The following AUTS2 variants were observed in gnomAD, a reference collection of about 807,000 sequenced individuals.
AUTS2 encodes the protein activator of transcription and developmental regulator AUTS2, also known as autism susceptibility gene 2 protein.
Under a neutral mutation model 112.4 loss-of-function variants are expected in AUTS2, and 17 were observed. The observed-to-expected ratio is 0.15, with a 90% CI of 0.10 to 0.23. AUTS2 has a LOEUF of 0.23. AUTS2 is among the 10% of genes least tolerant of loss of function. The pLI is 1.00. For synonymous variants in AUTS2, 751 were observed against 702.7 expected, an observed-to-expected ratio of 1.07 and a Z score of -1.09; for missense variants, 1,510 against 1,701.6, an observed-to-expected ratio of 0.89 and a Z score of 1.98.
chr7:69,915,031 A>G (rs1043160142), intron 2 of AUTS2, among the ~76,000 whole-genome samples: 1 of 152,086 alleles, frequency 6.6e-6, no homozygotes, highest in African/African-American at 2.4e-5. Context: ...TTTAATGATA[A>G]CTCTGCCCAT....
At chr7:70,560,502 C>A (rs972740221) in intron 5 of AUTS2, among the ~76,000 whole-genome samples, 1 of 152,188 alleles carries the variant, frequency 6.6e-6, no homozygotes, top group Non-Finnish European at 1.5e-5. Flanking sequence ...AGTTTTAAAA[C>A]AACAGGGTTA....
chr7:69,763,936 A>C (rs1183343209), intron 1 of AUTS2, among the ~76,000 whole-genome samples: 1 of 152,230 alleles, frequency 6.6e-6, no homozygotes, highest in African/African-American at 2.4e-5. Context: ...GTAGGTACCT[A>C]GTGAGCATCT....
chr7:70,640,416 A>G (rs1805753460), intron 5 of AUTS2, among the ~76,000 whole-genome samples: 7 of 59,006 alleles, frequency 1.2e-4, no homozygotes, highest in Admixed American at 8.7e-4. Context: ...ATAAACTCAC[A>G]GGGGGAAAAA....
At chr7:70,162,445 CAAAAAAAAAAAAAAAA>C (rs57688959) in intron 4 of AUTS2, among the ~76,000 whole-genome samples, 50 of 56,702 alleles carry the variant, frequency 8.8e-4, no homozygotes, top group African/African-American at 1.3e-3. Flanking sequence ...GACTCCGTCT[CAAAAAAAAAAAAAAAA>C]AAAAAAAAAA....
chr7:69,889,494 C>G (rs1436087116), intron 1 of AUTS2, among the ~76,000 whole-genome samples: 1 of 152,200 alleles, frequency 6.6e-6, no homozygotes, highest in Non-Finnish European at 1.5e-5. Context: ...TACCTCTTGT[C>G]TTTTTGATAA....
At chr7:70,120,870 G>T (rs1805645818) in intron 3 of AUTS2, among the ~76,000 whole-genome samples, 2 of 152,066 alleles carry the variant, frequency 1.3e-5, no homozygotes, top group Non-Finnish European at 2.9e-5. Flanking sequence ...CATATGAAAT[G>T]GCATAAGGCC....
intron 5 of AUTS2, among the ~76,000 whole-genome samples, chr7:70,688,785 C>T (rs2129546083): frequency 6.6e-6 from 1 of 152,344 alleles, no homozygotes; most frequent in Non-Finnish European, 1.5e-5. Flanking sequence ...GATTGTGCCA[C>T]TGCACTCTAG....
intron 5 of AUTS2, among the ~76,000 whole-genome samples, chr7:70,574,300 T>A (rs1355894867): frequency 6.6e-6 from 1 of 152,196 alleles, no homozygotes; most frequent in Non-Finnish European, 1.5e-5. Context: ...CATTTCACAT[T>A]CAGAAGACAC....
At chr7:69,895,543 TCCC>T (rs3043573) in intron 1 of AUTS2, among the ~76,000 whole-genome samples, 6 of 131,870 alleles carry the variant, frequency 4.5e-5, no homozygotes. Context: ...TCTCTCTTCT[TCCC>T]CCCCCCCGAG....
chr7:70,429,022 A>G (rs1795542853), intron 4 of AUTS2, among the ~76,000 whole-genome samples: 1 of 152,226 alleles, frequency 6.6e-6, no homozygotes, highest in South Asian at 2.1e-4. Flanking sequence ...AATGGAAGAT[A>G]TTTTCTTCTG....
intron 5 of AUTS2, among the ~76,000 whole-genome samples, chr7:70,535,002 A>G (rs1476350930): frequency 6.6e-6 from 1 of 151,432 alleles, no homozygotes; most frequent in Non-Finnish European, 1.5e-5. Flanking sequence ...TTTTTAAAGT[A>G]TGAATACCAT....
chr7:69,975,130 T>G (rs760503016), intron 2 of AUTS2, among the ~76,000 whole-genome samples: 12 of 152,070 alleles, frequency 7.9e-5, no homozygotes, highest in Non-Finnish European at 1.6e-4. Context: ...GGTTGACAGT[T>G]TCTTTTGTCT....
intron 2 of AUTS2, among the ~76,000 whole-genome samples, chr7:70,029,018 T>G (rs1247363654): frequency 1.3e-5 from 2 of 152,146 alleles, no homozygotes; most frequent in Non-Finnish European, 1.5e-5. Context: ...AAAGTGCCCT[T>G]TAGCTGTGTA....
At chr7:69,727,324 G>A (rs1247456743) in intron 1 of AUTS2, among the ~76,000 whole-genome samples, 1 of 152,148 alleles carries the variant, frequency 6.6e-6, no homozygotes, top group Non-Finnish European at 1.5e-5. Context: ...AGGTGCAGTA[G>A]CTCACACCTG....
intron 1 of AUTS2, among the ~76,000 whole-genome samples, chr7:69,807,718 TTCTAAG>T (rs1485215154): frequency 2.0e-5 from 3 of 152,206 alleles, no homozygotes; most frequent in Non-Finnish European, 4.4e-5. Context: ...GAGAGTCTGC[TTCTAAG>T]ATGGCTCATT....
chr7:70,232,748 AAG>A (rs1311863415), intron 4 of AUTS2, among the ~76,000 whole-genome samples: 7 of 152,336 alleles, frequency 4.6e-5, no homozygotes, highest in Non-Finnish European at 7.4e-5. Context: ...TTGTCATGAC[AAG>A]AGTCATTATT....
intron 1 of AUTS2, among the ~76,000 whole-genome samples, chr7:69,733,329 C>T (rs1786882686): frequency 6.6e-6 from 1 of 152,186 alleles, no homozygotes; most frequent in Non-Finnish European, 1.5e-5. Context: ...GTGATTAACT[C>T]TTTGGTGGCC....
intron 1 of AUTS2, among the ~76,000 whole-genome samples, chr7:69,624,061 T>C (rs916938401): frequency 1.3e-5 from 2 of 152,226 alleles, no homozygotes; most frequent in Admixed American, 1.3e-4. Context: ...TAAGTTTGTG[T>C]TGTTTATCTA....
intron 1 of AUTS2, among the ~76,000 whole-genome samples, chr7:69,849,362 G>C (rs920223891): frequency 6.6e-6 from 1 of 152,168 alleles, no homozygotes; most frequent in Non-Finnish European, 1.5e-5. Flanking sequence ...GAGAGATCCA[G>C]GGTGACCTTC....
Sources: allele counts gnomAD v4.1 joint callset (sites outside exome capture counted in the v4.1 genomes callset), GRCh38; gene constraint gnomAD v4.1.1; transcripts MANE v1.5; gene names NCBI Gene and HGNC (gene_info 2026-07-23, HGNC 2026-07-21).